The following ATRX variants were observed in gnomAD, a reference collection of about 807,000 sequenced individuals.
The protein encoded by ATRX is ATRX chromatin remodeler.
Under a neutral mutation model 172.6 loss-of-function variants are expected in ATRX, and 12 were observed. That is an observed-to-expected ratio of 0.07 (90% confidence interval 0.04 to 0.11). The LOEUF (loss-of-function observed/expected upper bound fraction) is 0.11, where lower values mean the gene tolerates loss of function less well. Among genes scored for constraint, ATRX ranks in the 10% least tolerant of loss-of-function variants. ATRX has a pLI of 1.00. For missense variants in ATRX, 1,368 were observed against 1,767.4 expected, an observed-to-expected ratio of 0.77 and a Z score of 4.05; for synonymous variants, 674 against 594.7, an observed-to-expected ratio of 1.13 and a Z score of -1.94.
At chrX:77,613,605 G>C (rs1161065844) in intron 22 of ATRX, among the ~76,000 whole-genome samples, 3 of 112,183 alleles carry the variant, frequency 2.7e-5, no homozygotes, top group Non-Finnish European at 5.6e-5. Flanking sequence ...TTTCATATAT[G>C]CAGGTTCTGC....
At chrX:77,611,484 C>A (rs1557093975) in intron 22 of ATRX, among the ~76,000 whole-genome samples, 1 of 111,466 alleles carries the variant, frequency 9.0e-6, no homozygotes, top group African/African-American at 3.3e-5. Flanking sequence ...CTTTTCCCAG[C>A]TTGAAGTACA....
chrX:77,766,058 C>T (rs1416261069), intron 1 of ATRX, among the ~76,000 whole-genome samples: 3 of 112,469 alleles, frequency 2.7e-5, no homozygotes, highest in African/African-American at 9.7e-5. Flanking sequence ...TTTCTTAGTA[C>T]AGAACAAAAT....
rs1373544966 is a variant in ATRX, at chrX:77,664,733, G to A, written c.3855C>T (p.Ser1285=). 8.3e-7 allele frequency: 1 copy of A among 1,207,345 alleles called. No individual in the cohort carries two copies. Among genetic ancestry groups the A allele is most frequent in the East Asian group, 3.0e-5 (1 of 33,790 alleles). Residue 1285 remains serine (S), a synonymous_variant, in exon 11 of 35, where the codon TCC becomes TCT. Coordinates refer to ENST00000373344, the MANE Select transcript of ATRX (RefSeq NM_000489.6). Reference sequence around the variant, plus strand: ...CATCTGAAGATCCATCCTCATCAGAGGAAAGATTGGCTTTAATTTCTTCTA... The same window carrying A: ...CATCTGAAGATCCATCCTCATCAGAAGAAAGATTGGCTTTAATTTCTTCTA... ...MLLEEIKANL[S]SDEDGSSDDE...
chrX:77,635,663 C>T (rs1380846936), intron 16 of ATRX, among the ~76,000 whole-genome samples: 1 of 112,685 alleles, frequency 8.9e-6, no homozygotes, highest in African/African-American at 3.2e-5. Flanking sequence ...TTAGGTGAAA[C>T]CTACTTGCTA....
At chrX:77,757,298 A>T (rs1014057905) in intron 1 of ATRX, among the ~76,000 whole-genome samples, 4 of 111,842 alleles carry the variant, frequency 3.6e-5, no homozygotes, top group Non-Finnish European at 5.6e-5. Context: ...AAGGTTACAC[A>T]GCAAGAGAAC....
Position 77,626,708 on chromosome X carries a change from C to A in ATRX, c.5135-6176G>T, listed in dbSNP as rs782231495. Among the ~76,000 whole-genome samples the A allele has an allele frequency of 3.6e-5, 4 of 111,713 alleles. No homozygotes were observed. The South Asian group carries it at 1.5e-3, about 42-fold the overall frequency. On this transcript the variant is annotated intron_variant, in intron 19 of 34. Coordinates refer to ENST00000373344, the MANE Select transcript of ATRX (RefSeq NM_000489.6). ...TAAGGAGAATACATGCTTCTGTAAG[C>A]ACAAAAAATTCCTATACGGATATAA... is the stretch of plus-strand genomic sequence containing the variant.
At chrX:77,753,757 T>G (rs2075385340) in intron 1 of ATRX, among the ~76,000 whole-genome samples, 1 of 111,750 alleles carries the variant, frequency 8.9e-6, no homozygotes, top group Non-Finnish European at 1.9e-5. Flanking sequence ...TCAGTTTCCA[T>G]GTAGTTGTGG....
At position 77,683,382 on chromosome X, in the gene ATRX, T is replaced by C. The variant is rs2148612860; in HGVS notation, c.1874A>G (p.Glu625Gly). 1.7e-6 allele frequency: 2 copies of C among 1,211,459 alleles called. No homozygotes were observed. The highest frequency in any genetic ancestry group is 2.2e-6 in the Non-Finnish European group (2 of 895,235). ...GTTTTCCTGTCCAAGTCCACATTTC[T>C]CTAACTTGGGGTTCAGACCACAACT... ...YKSCGLNPKLEKCGLGQENSD... is the reference protein window; with the variant it reads ...YKSCGLNPKLGKCGLGQENSD... Residue 625 changes from glutamate (E) to glycine (G), a missense_variant, in exon 9 of 35, where the codon GAG becomes GGG. Transcript: ENST00000373344.
chrX:77,717,754 T>G (rs1219178299), intron 1 of ATRX, among the ~76,000 whole-genome samples: 3 of 111,557 alleles, frequency 2.7e-5, no homozygotes, highest in African/African-American at 9.8e-5. Context: ...GGTCTTTCAA[T>G]GTACTCTATA....
chrX:77,627,559 G>A (rs185825549), intron 19 of ATRX, among the ~76,000 whole-genome samples: 5 of 110,247 alleles, frequency 4.5e-5, no homozygotes, highest in South Asian at 3.9e-4. Flanking sequence ...CGAGACCCTC[G>A]TCTCCAAAAA....
chrX:77,580,207 G>A (rs993504934), intron 27 of ATRX, among the ~76,000 whole-genome samples: 5 of 111,624 alleles, frequency 4.5e-5, no homozygotes, highest in African/African-American at 9.7e-5. Flanking sequence ...AAGAGATATC[G>A]GTCTTAAACA....
At chrX:77,519,645 A>G (rs2063163060) in intron 34 of ATRX, among the ~76,000 whole-genome samples, 1 of 112,019 alleles carries the variant, frequency 8.9e-6, no homozygotes, top group East Asian at 2.8e-4. Flanking sequence ...TATCCAAAAG[A>G]CAGGCAATAA....
At chrX:77,557,719 G>A (rs2064854802) in intron 29 of ATRX, 74 bp from the exon 30 acceptor site, 14 of 888,625 alleles carry the variant, frequency 1.6e-5, no homozygotes, top group South Asian at 2.4e-5. Flanking sequence ...GGATAAATAC[G>A]GTTACTGGTT....
chrX:77,738,334 C>T (rs1289193686), intron 1 of ATRX, among the ~76,000 whole-genome samples: 1 of 100,706 alleles, frequency 9.9e-6, no homozygotes, highest in Non-Finnish European at 2.0e-5. Context: ...CACCCTGTCT[C>T]CAAAAAAAAA....
At chrX:77,706,045 G>C (rs1031329376) in intron 2 of ATRX, among the ~76,000 whole-genome samples, 2 of 109,340 alleles carry the variant, frequency 1.8e-5, no homozygotes, top group Non-Finnish European at 3.8e-5. Context: ...AGGGTGCAGT[G>C]GTACAATCAT....
intron 22 of ATRX, among the ~76,000 whole-genome samples, chrX:77,608,274 CAGA>C (rs1324534610): frequency 9.5e-6 from 1 of 105,120 alleles, no homozygotes; most frequent in Non-Finnish European, 1.9e-5. Context: ...GAGGCTGAGG[CAGA>C]AGAATGGCGT....
At chrX:77,654,494 A>C (rs1254584066) in intron 13 of ATRX, among the ~76,000 whole-genome samples, 5 of 111,693 alleles carry the variant, frequency 4.5e-5, no homozygotes, top group Non-Finnish European at 9.4e-5. Flanking sequence ...GACATACTAA[A>C]AAACATTCAT....
intron 9 of ATRX, among the ~76,000 whole-genome samples, chrX:77,680,743 G>A (rs1242042252): frequency 2.7e-5 from 3 of 109,593 alleles, no homozygotes; most frequent in African/African-American, 9.9e-5. Flanking sequence ...AGGTCTTACT[G>A]ACTAAAAAAA....
chrX:77,559,517 G>T (rs1160625470), intron 28 of ATRX, among the ~76,000 whole-genome samples: 3 of 92,133 alleles, frequency 3.3e-5, no homozygotes, highest in African/African-American at 1.2e-4. Flanking sequence ...GGAGTGCAAT[G>T]GCGCAATCTC....
Sources: allele counts gnomAD v4.1 joint callset (sites outside exome capture counted in the v4.1 genomes callset), GRCh38; gene constraint gnomAD v4.1.1; transcripts MANE v1.5; gene names NCBI Gene and HGNC (gene_info 2026-07-23, HGNC 2026-07-21).